GCLC: variants seen among roughly 807,000 people sequenced by gnomAD.
GCLC encodes glutamate-cysteine ligase catalytic subunit, also known as glutamate--cysteine ligase catalytic subunit.
In GCLC, 30 loss-of-function variants were observed where a neutral mutation model predicts 81.5. The observed-to-expected ratio is 0.37, with a 90% CI of 0.28 to 0.50. The LOEUF (loss-of-function observed/expected upper bound fraction) is 0.50, where lower values mean the gene tolerates loss of function less well. Ranked by LOEUF, GCLC falls within the 20% of genes least tolerant of loss-of-function variation. The pLI, the probability that GCLC is intolerant of heterozygous loss-of-function variation, is 0.96. For synonymous variants in GCLC, 262 were observed against 273.3 expected, an observed-to-expected ratio of 0.96 and a Z score of 0.41; for missense variants, 556 against 777.4, an observed-to-expected ratio of 0.72 and a Z score of 3.39.
chr6:53,531,968 CTTAGTA>C (rs1763178691), intron 1 of GCLC, among the ~76,000 whole-genome samples: 1 of 152,194 alleles, frequency 6.6e-6, no homozygotes, highest in Non-Finnish European at 1.5e-5. Flanking sequence ...TCCAGAAACT[CTTAGTA>C]TAAGACCATC....
In GCLC at chr6:53,543,940, T is replaced by G. The variant is rs527905436; in HGVS notation, c.150+556A>C. Among the ~76,000 whole-genome samples, 14 of 152,296 alleles carry G rather than the reference T, an allele frequency of 9.2e-5. No homozygotes were observed. The South Asian group carries it at 2.9e-3, about 32-fold the overall frequency. Reference sequence around the variant, plus strand: ...CCCATGTAGGAAACTGAGCCGTAATTTACTGGTTTCAATTTATAGCTATGA... The same window carrying G: ...CCCATGTAGGAAACTGAGCCGTAATGTACTGGTTTCAATTTATAGCTATGA... On this transcript the variant is annotated intron_variant, in intron 1 of 15. Transcript: ENST00000650454.
At chr6:53,499,125 C>T (rs372485660) in intron 15 of GCLC, among the ~76,000 whole-genome samples, 158 bp from the exon 16 acceptor site, 12 of 152,152 alleles carry the variant, frequency 7.9e-5, no homozygotes, top group South Asian at 6.2e-4. Flanking sequence ...TCTTTCATAG[C>T]GTTTGAAGAA....
chr6:53,514,046 T>C, intron 6 of GCLC, 158 bp downstream of exon 6: 1 of 664,518 alleles, frequency 1.5e-6, no homozygotes, highest in Non-Finnish European at 2.6e-6. Context: ...TTCCAATGAA[T>C]TTACTAATAT....
At chr6:53,499,644 G>A (rs1764463831) in intron 15 of GCLC, among the ~76,000 whole-genome samples, 1 of 152,106 alleles carries the variant, frequency 6.6e-6, no homozygotes, top group African/African-American at 2.4e-5. Flanking sequence ...CAAAGAAAGG[G>A]GATTCTCAGG....
chr6:53,542,600 C>T (rs1054774762), intron 1 of GCLC, among the ~76,000 whole-genome samples: 2 of 151,948 alleles, frequency 1.3e-5, no homozygotes, highest in Non-Finnish European at 2.9e-5. Flanking sequence ...GGTGTTGTCT[C>T]CAGAAGGAGT....
chr6:53,529,445 A>G (rs1016059554), intron 1 of GCLC, among the ~76,000 whole-genome samples: 1 of 152,176 alleles, frequency 6.6e-6, no homozygotes, highest in African/African-American at 2.4e-5. Flanking sequence ...GCAAAACCTA[A>G]CCAGTCATCT....
chr6:53,541,045 A>G (rs145040161), intron 1 of GCLC, among the ~76,000 whole-genome samples: 1,934 of 152,076 alleles, frequency 0.013, 43 homozygotes, highest in African/African-American at 0.045. Flanking sequence ...TGAAACCCCG[A>G]TTCTACTAAA....
chr6:53,528,014 C>T (rs1409022222), intron 1 of GCLC, among the ~76,000 whole-genome samples: 1 of 152,144 alleles, frequency 6.6e-6, no homozygotes, highest in African/African-American at 2.4e-5. Flanking sequence ...AAGACTGTTT[C>T]CTCTCACAGC....
At chr6:53,499,285 T>C (rs1764454595) in intron 15 of GCLC, among the ~76,000 whole-genome samples, 1 of 152,132 alleles carries the variant, frequency 6.6e-6, no homozygotes, top group Non-Finnish European at 1.5e-5. Context: ...ACATGTGCCC[T>C]CCCATTTGGC....
intron 6 of GCLC, chr6:53,513,576 T>C (rs1472118777): frequency 6.6e-6 from 1 of 152,376 alleles, no homozygotes; most frequent in East Asian, 1.9e-4. Context: ...GGCTTTTGTG[T>C]GGCCACCTGA....
chr6:53,544,743 C>A lies in GCLC; in HGVS notation c.-98G>T, dbSNP rs909526773. 8.3e-7 allele frequency: 1 copy of A among 1,203,608 alleles called. No individual in the cohort carries two copies. The highest frequency in any genetic ancestry group is 1.1e-6 in the Non-Finnish European group (1 of 884,534). 74.6% of individuals were successfully genotyped at this position (1,203,608 alleles called of 1,614,324 possible). A position where few individuals can be genotyped will look rare whatever the true frequency, so the allele number is the denominator to read the frequency against. The stretch of plus-strand genomic sequence containing the variant: ...TCAGCCGCCCGCAGAAGGCGGCTGC[C>A]GCTCCACCCCGCGGGGGCGCTCTCG... On this transcript the variant is annotated 5_prime_UTR_variant, in exon 1 of 16. Coordinates refer to ENST00000650454, the MANE Select transcript of GCLC (RefSeq NM_001498.4).
At chr6:53,505,328 A>T in intron 12 of GCLC, 64 bp downstream of exon 12, 1 of 755,990 alleles carries the variant, frequency 1.3e-6, no homozygotes. Flanking sequence ...AATAAATAGC[A>T]TATATAAATA....
intron 12 of GCLC, 57 bp from the exon 13 acceptor site, chr6:53,500,570 T>G: frequency 8.4e-7 from 1 of 1,197,102 alleles, no homozygotes. Context: ...GACATACAAG[T>G]TGCAGCACCT....
At chr6:53,538,387 C>T (rs1441950170) in intron 1 of GCLC, among the ~76,000 whole-genome samples, 5 of 149,978 alleles carry the variant, frequency 3.3e-5, no homozygotes, top group East Asian at 3.9e-4. Flanking sequence ...AGTGCAGTGG[C>T]GCGATCTAGG....
At chr6:53,515,142 C>T (rs865947109) in intron 4 of GCLC, among the ~76,000 whole-genome samples, 2 of 152,094 alleles carry the variant, frequency 1.3e-5, no homozygotes, top group East Asian at 3.8e-4. Context: ...CATTTTTGGA[C>T]GTTTTGGGTT....
intron 1 of GCLC, among the ~76,000 whole-genome samples, chr6:53,527,636 G>A (rs1763105182): frequency 6.6e-6 from 1 of 152,174 alleles, no homozygotes; most frequent in Admixed American, 6.5e-5. Context: ...CCAATAACAC[G>A]CTATTGCTGA....
chr6:53,503,183 G>A (rs912070653), intron 12 of GCLC: 9 of 152,174 alleles, frequency 5.9e-5, no homozygotes, highest in Non-Finnish European at 1.3e-4. Context: ...CTGGTATTAC[G>A]AAGAGACATC....
At position 53,520,761 on chromosome 6, in the gene GCLC, TTAATA is replaced by T. The variant is rs1397306092; in HGVS notation, c.446+12_446+16del. The T allele has an allele frequency of 1.9e-6, 3 of 1,606,780 alleles. No individual in the cohort carries two copies. The highest frequency in any genetic ancestry group is 2.6e-6 in the Non-Finnish European group (3 of 1,173,392). On this transcript the variant is annotated intron_variant, in intron 3 of 15. Coordinates refer to ENST00000650454, the MANE Select transcript of GCLC (RefSeq NM_001498.4). ...TCTCTGAGAGATCTGCTGGGGCATG[TTAATA>T]TAGGAACTAACCTGGGAAATGAAGT...
rs182996019 is a variant in GCLC, at chr6:53,536,221, A to G, written c.150+8275T>C. Among the ~76,000 whole-genome samples, 5 of 152,378 alleles carry G rather than the reference A, an allele frequency of 3.3e-5. No homozygotes were observed. In the East Asian group the frequency reaches 7.7e-4, roughly 23 times the overall value. On this transcript the variant is annotated intron_variant, in intron 1 of 15. Coordinates refer to ENST00000650454, the MANE Select transcript of GCLC (RefSeq NM_001498.4). ...TGATTTCCTAGGTATATGAAACTAG[A>G]TATCAAATGCAAACTATGATTTCTT...
Sources: gnomAD v4.1 joint callset for allele counts (sites outside exome capture counted in the v4.1 genomes callset) on GRCh38, gnomAD v4.1.1 for gene constraint, MANE v1.5 for transcripts, NCBI Gene and HGNC (gene_info 2026-07-23, HGNC 2026-07-21) for gene names.